SORCS2: variants seen among roughly 807,000 people sequenced by gnomAD.
SORCS2 encodes VPS10 domain-containing receptor SorCS2.
Under a neutral mutation model 141.6 loss-of-function variants are expected in SORCS2, and 100 were observed. That is an observed-to-expected ratio of 0.71 (90% CI 0.60 to 0.83). The LOEUF (loss-of-function observed/expected upper bound fraction) is 0.83. Among genes scored for constraint, SORCS2 ranks in the 40% least tolerant of loss-of-function variants. The probability of loss-of-function intolerance (pLI) is 0.00; values close to 1 mark genes in which losing one functional copy is unlikely to be tolerated. For synonymous variants in SORCS2, 789 were observed against 676.9 expected (o/e 1.17, Z -2.57); for missense variants, 1,646 against 1,560.2 (o/e 1.05, Z -0.93).
At chr4:7,328,664 T>C (rs1028739920) in intron 1 of SORCS2, among the ~76,000 whole-genome samples, 4 of 151,982 alleles carry the variant, frequency 2.6e-5, no homozygotes, top group African/African-American at 9.7e-5. Context: ...AGCCCTGCCC[T>C]GGCCTCACGG....
intron 2 of SORCS2, among the ~76,000 whole-genome samples, chr4:7,504,447 G>T (rs1732160312): frequency 6.6e-6 from 1 of 152,222 alleles, no homozygotes; most frequent in Admixed American, 6.5e-5. Flanking sequence ...CTCGGATGCA[G>T]AGCAATTCAT....
chr4:7,400,150 G>C (rs6821857), intron 2 of SORCS2, among the ~76,000 whole-genome samples: 6 of 140,456 alleles, frequency 4.3e-5, no homozygotes, highest in African/African-American at 8.1e-5. Context: ...CCCCACCCCC[G>C]GCTCCTACCC....
chr4:7,305,583 G>A (rs1717763464), intron 1 of SORCS2, among the ~76,000 whole-genome samples: 1 of 152,146 alleles, frequency 6.6e-6, no homozygotes, highest in South Asian at 2.1e-4. Context: ...ATGGCTCTAA[G>A]GCCCCCCCAG....
chr4:7,192,875 G>C lies in SORCS2; in HGVS notation c.229G>C (p.Glu77Gln), dbSNP rs1164942796. 1.8e-6 allele frequency: 2 copies of C among 1,089,762 alleles called. No homozygotes were observed. The highest frequency in any genetic ancestry group is 1.1e-6 in the Non-Finnish European group (1 of 899,238). 67.5% of individuals were successfully genotyped at this position (1,089,762 alleles called of 1,614,324 possible). ...VPRSPPAGRA[E>Q]PGGGEDRQAR... ...GCGGAGCCCTCCCGCGGGGCGCGCG[G>C]AGCCCGGTGGCGGCGAGGACCGGCA... The change falls in exon 1 of 27, where the codon GAG (glutamate) becomes CAG (glutamine). Residue 77 changes from glutamate to glutamine, a missense_variant. Glu to Gln is a conservative substitution (Grantham distance 29, BLOSUM62 2). Transcript: ENST00000507866. The surrounding 1 kb of genome is among the most constrained non-coding windows in gnomAD (Gnocchi z 4.0).
At chr4:7,633,298 T>G (rs1247709093) in intron 3 of SORCS2, among the ~76,000 whole-genome samples, 1 of 151,878 alleles carries the variant, frequency 6.6e-6, no homozygotes, top group Non-Finnish European at 1.5e-5. Context: ...GCCTGAGGGG[T>G]GGGAGGTGAA....
chr4:7,299,523 C>T (rs1046123808), intron 1 of SORCS2, among the ~76,000 whole-genome samples: 1 of 152,198 alleles, frequency 6.6e-6, no homozygotes, highest in African/African-American at 2.4e-5. Flanking sequence ...AAAAACAAAG[C>T]GAAAGCACCC....
At chr4:7,269,081 C>T (rs2108838424) in intron 1 of SORCS2, among the ~76,000 whole-genome samples, 1 of 152,186 alleles carries the variant, frequency 6.6e-6, no homozygotes, top group South Asian at 2.1e-4. Context: ...GCCCCACAGG[C>T]AGCCGATTCA....
intron 2 of SORCS2, among the ~76,000 whole-genome samples, chr4:7,409,389 G>T (rs370788843): frequency 7.9e-4 from 121 of 152,314 alleles, no homozygotes; most frequent in South Asian, 3.7e-3. Flanking sequence ...GAGACCTGTA[G>T]AATAAATCTC....
At chr4:7,580,515 G>A (rs1468654219) in intron 3 of SORCS2, among the ~76,000 whole-genome samples, 1 of 151,896 alleles carries the variant, frequency 6.6e-6, no homozygotes, top group Non-Finnish European at 1.5e-5. Flanking sequence ...AAATTGTTTT[G>A]CATAGTGATC....
intron 4 of SORCS2, among the ~76,000 whole-genome samples, chr4:7,641,908 G>A (rs545326872): frequency 6.6e-6 from 1 of 151,326 alleles, no homozygotes; most frequent in African/African-American, 2.4e-5. Flanking sequence ...GTGGTTGGAT[G>A]GATGTGTGGA....
intron 1 of SORCS2, among the ~76,000 whole-genome samples, chr4:7,376,449 C>T (rs532128431): frequency 1.6e-4 from 24 of 152,100 alleles, no homozygotes; most frequent in Middle Eastern, 3.4e-3. Flanking sequence ...TGGTGGTGGG[C>T]GCCTATAATC....
At chr4:7,197,717 A>G (rs575467739) in intron 1 of SORCS2, among the ~76,000 whole-genome samples, 23 of 152,130 alleles carry the variant, frequency 1.5e-4, no homozygotes, top group Non-Finnish European at 2.8e-4. Flanking sequence ...GTTTGGAAAA[A>G]ATAGATTAAA....
rs1316416359 is a variant in SORCS2, at chr4:7,201,482, G to A, written c.480+8356G>A. ...GATGAGAAGGCAGCCCAGAGCTTGC[G>A]TGGGCCTCTCGGCGTAGCCGTTACT... is the stretch of plus-strand genomic sequence containing the variant. On this transcript the variant is annotated intron_variant, in intron 1 of 26. Coordinates refer to ENST00000507866, the MANE Select transcript of SORCS2 (RefSeq NM_020777.3). This position sits in a 1 kb window ranked among gnomAD's most constrained non-coding sequence, Gnocchi z 4.4. Among the ~76,000 whole-genome samples the A allele has an allele frequency of 6.6e-6, 1 of 152,240 alleles. No homozygotes were observed. The highest frequency in any genetic ancestry group is 1.9e-4 in the East Asian group (1 of 5,202).
chr4:7,445,679 T>C (rs10005406), intron 2 of SORCS2, among the ~76,000 whole-genome samples: 50,476 of 151,852 alleles, frequency 0.33, 8,857 homozygotes, highest in East Asian at 0.62. Flanking sequence ...CTTCTCTAAG[T>C]GGCATTGCTC....
At chr4:7,211,180 T>G (rs1728037892) in intron 1 of SORCS2, among the ~76,000 whole-genome samples, 1 of 132,802 alleles carries the variant, frequency 7.5e-6, no homozygotes, top group South Asian at 2.6e-4. Flanking sequence ...CTGGAGAAAT[T>G]TGGAAAAGCT....
At chr4:7,544,426 C>G (rs1405846619) in intron 3 of SORCS2, among the ~76,000 whole-genome samples, 1 of 152,108 alleles carries the variant, frequency 6.6e-6, no homozygotes, top group Non-Finnish European at 1.5e-5. Flanking sequence ...GATGGCAGAC[C>G]TTAGTGGGAG....
intron 3 of SORCS2, among the ~76,000 whole-genome samples, chr4:7,542,512 G>T (rs2109590370): frequency 6.6e-6 from 1 of 152,308 alleles, no homozygotes; most frequent in South Asian, 2.1e-4. Context: ...TGAGGCAGCT[G>T]CAGGAAGGGG....
At chr4:7,290,118 G>A (rs749791609) in intron 1 of SORCS2, among the ~76,000 whole-genome samples, 9 of 152,196 alleles carry the variant, frequency 5.9e-5, no homozygotes, top group Non-Finnish European at 1.0e-4. Flanking sequence ...GTGACCCTGG[G>A]CTGGCAGGAA....
intron 3 of SORCS2, among the ~76,000 whole-genome samples, chr4:7,559,535 C>A (rs1359339406): frequency 1.3e-5 from 2 of 152,128 alleles, no homozygotes; most frequent in Non-Finnish European, 2.9e-5. Context: ...GGGAGTGGTG[C>A]CAGCGGGGGC....
Sources: gnomAD v4.1 joint callset for allele counts (sites outside exome capture counted in the v4.1 genomes callset) on GRCh38, gnomAD v4.1.1 for gene constraint, Gnocchi (gnomAD v3.1) non-coding constraint, MANE v1.5 for transcripts, NCBI Gene and HGNC (gene_info 2026-07-23, HGNC 2026-07-21) for gene names.